Variants in CCR3 observed in about 807,000 individuals in gnomAD.
The protein encoded by CCR3 is C-C chemokine receptor type 3.
For missense variants in CCR3, 419 were observed against 437.5 expected, an observed-to-expected ratio of 0.96 and a Z score of 0.38; for synonymous variants, 203 against 179.2, an observed-to-expected ratio of 1.13 and a Z score of -1.06.
At chr3:46,245,423 A>G (rs1260464128) in intron 1 of CCR3, among the ~76,000 whole-genome samples, 6 of 150,064 alleles carry the variant, frequency 4.0e-5, no homozygotes, top group South Asian at 2.1e-4. Context: ...AGACTTTTCT[A>G]TCTTACGTGG....
chr3:46,218,627 A>C (rs1575484857), intron 2 of CCR3, among the ~76,000 whole-genome samples: 2 of 152,306 alleles, frequency 1.3e-5, no homozygotes, highest in Non-Finnish European at 2.9e-5. Flanking sequence ...AAGGTAATGC[A>C]CCATAATCAA....
intron 2 of CCR3, among the ~76,000 whole-genome samples, chr3:46,224,839 A>G (rs992669100): frequency 2.6e-5 from 4 of 152,114 alleles, no homozygotes; most frequent in African/African-American, 7.2e-5. Flanking sequence ...CTCTCACACC[A>G]TGCTGGTGCA....
In CCR3 at chr3:46,265,404, C is replaced by G. The variant is rs200237278; in HGVS notation, c.246C>G (p.Leu82=). The part of the protein sequence containing the change: ...YLLNLAISDL[L]FLVTLPFWIH... ...TCAACCTGGCCATTTCGGACCTGCTCTTCCTCGTCACCCTTCCATTCTGGA... is the reference window on the plus strand; with the variant it reads ...TCAACCTGGCCATTTCGGACCTGCTGTTCCTCGTCACCCTTCCATTCTGGA... The change falls in exon 2 of 2, where the codon CTC becomes CTG. Residue 82 remains leucine (L), a synonymous_variant. Transcript: ENST00000395940. The G allele has an allele frequency of 6.2e-7, 1 of 1,614,106 alleles. No homozygotes were observed. Among genetic ancestry groups the G allele is most frequent in the African/African-American group, 1.3e-5 (1 of 74,940 alleles).
At chr3:46,225,980 A>C (rs1699889963) in intron 2 of CCR3, among the ~76,000 whole-genome samples, 1 of 152,210 alleles carries the variant, frequency 6.6e-6, no homozygotes, top group Non-Finnish European at 1.5e-5. Flanking sequence ...TTGTCAAAAA[A>C]CAGTTAAGCA....
At chr3:46,228,132 T>C (rs910500893) in intron 2 of CCR3, among the ~76,000 whole-genome samples, 1 of 150,150 alleles carries the variant, frequency 6.7e-6, no homozygotes, top group Non-Finnish European at 1.5e-5. Flanking sequence ...CTTCCCAAAC[T>C]CTTTCCCACC....
At chr3:46,246,302 C>A (rs1443888693) in intron 1 of CCR3, among the ~76,000 whole-genome samples, 1 of 152,182 alleles carries the variant, frequency 6.6e-6, no homozygotes, top group Admixed American at 6.5e-5. Context: ...AAGAGACCAC[C>A]AAACAGGCTT....
intron 1 of CCR3, among the ~76,000 whole-genome samples, chr3:46,260,631 C>T (rs1700506605): frequency 6.6e-6 from 1 of 152,188 alleles, no homozygotes; most frequent in Non-Finnish European, 1.5e-5. Flanking sequence ...GAGGTGAGTT[C>T]CAATGGTCTT....
At chr3:46,252,598 A>T (rs1215587741) in intron 1 of CCR3, among the ~76,000 whole-genome samples, 1 of 152,156 alleles carries the variant, frequency 6.6e-6, no homozygotes, top group African/African-American at 2.4e-5. Flanking sequence ...TTGAGAAAAG[A>T]AATGAAGGAA....
chr3:46,233,322 G>A (rs541767452), intron 2 of CCR3, among the ~76,000 whole-genome samples: 3 of 152,334 alleles, frequency 2.0e-5, no homozygotes, highest in African/African-American at 7.2e-5. Flanking sequence ...CCTGGTGCCC[G>A]GGAAGGAAGG....
intron 2 of CCR3, among the ~76,000 whole-genome samples, chr3:46,231,717 G>T (rs1042357122): frequency 6.6e-6 from 1 of 152,120 alleles, no homozygotes; most frequent in Non-Finnish European, 1.5e-5. Context: ...TTTCACAGGG[G>T]TATATTTCTC....
chr3:46,254,682 T>C (rs748549180), intron 1 of CCR3, among the ~76,000 whole-genome samples: 13 of 152,186 alleles, frequency 8.5e-5, no homozygotes, highest in Non-Finnish European at 1.6e-4. Context: ...TTATCTTTCT[T>C]ATGCCTTTGC....
chr3:46,246,868 G>A (rs1316276848), intron 1 of CCR3, among the ~76,000 whole-genome samples: 1 of 152,088 alleles, frequency 6.6e-6, no homozygotes, highest in African/African-American at 2.4e-5. Flanking sequence ...GGGCGGCGTG[G>A]GAACCTAGAG....
At chr3:46,218,368 T>C (rs544461874) in intron 2 of CCR3, among the ~76,000 whole-genome samples, 39 of 151,270 alleles carry the variant, frequency 2.6e-4, no homozygotes, top group Admixed American at 1.1e-3. Context: ...ACCAGATGGA[T>C]TGACAGCTTG....
chr3:46,232,931 C>T (rs1699982762), intron 2 of CCR3, among the ~76,000 whole-genome samples: 2 of 152,250 alleles, frequency 1.3e-5, no homozygotes. Flanking sequence ...TTCCTGATTT[C>T]AAGCAATTCT....
chr3:46,224,508 C>T (rs557087849), intron 2 of CCR3, among the ~76,000 whole-genome samples: 4 of 151,974 alleles, frequency 2.6e-5, no homozygotes, highest in East Asian at 3.9e-4. Flanking sequence ...GAGGCTGAGG[C>T]GGGCAGATTA....
rs576661799 is a variant in CCR3 at position 46,214,229 on chromosome 3, G to A, written c.-68+3322G>A. On this transcript the variant is annotated intron_variant, in intron 2 of 3. Coordinates refer to the CCR3 transcript ENST00000357422. ...TTGTTTCCTATTTCGCTGAGAAAAT[G>A]AAAGCCATCAGAAGAAACTTTCTAC... 2.0e-5 allele frequency among the ~76,000 whole-genome samples: 3 copies of A among 152,230 alleles called. No individual in the cohort carries two copies. In the South Asian group the frequency reaches 6.2e-4, roughly 32 times the overall value.
chr3:46,263,153 A>G (rs1471768449), intron 1 of CCR3, among the ~76,000 whole-genome samples: 1 of 152,258 alleles, frequency 6.6e-6, no homozygotes, highest in Admixed American at 6.5e-5. Flanking sequence ...CATGAATTAA[A>G]GACACTACCC....
At chr3:46,255,507 T>C (rs1206071771) in intron 1 of CCR3, among the ~76,000 whole-genome samples, 4 of 152,212 alleles carry the variant, frequency 2.6e-5, no homozygotes, top group Admixed American at 1.3e-4. Context: ...GAGGTTATCT[T>C]CTAAAATTTT....
chr3:46,216,062 C>G (rs139060365), intron 2 of CCR3, among the ~76,000 whole-genome samples: 2 of 152,332 alleles, frequency 1.3e-5, no homozygotes, highest in Admixed American at 1.3e-4. Flanking sequence ...TTGGGTCCCA[C>G]TCCATGGAGG....
Sources: gnomAD v4.1 joint callset for allele counts (sites outside exome capture counted in the v4.1 genomes callset) on GRCh38, gnomAD v4.1.1 for gene constraint, MANE v1.5 for transcripts, NCBI Gene and HGNC (gene_info 2026-07-23, HGNC 2026-07-21) for gene names.